SLC36A3: variants seen among roughly 807,000 people sequenced by gnomAD.
SLC36A3 encodes solute carrier family 36 member 3, also known as proton-coupled amino acid transporter 3.
SLC36A3 carries 35 observed loss-of-function variants against 44.3 expected under a neutral mutation model. The observed-to-expected ratio is 0.79, with a 90% CI of 0.60 to 1.05. SLC36A3 has a LOEUF of 1.05. Ranked by LOEUF, SLC36A3 falls within the 50% of genes least tolerant of loss-of-function variation. SLC36A3 has a pLI of 0.00. For missense variants in SLC36A3, 540 were observed against 578.7 expected, an observed-to-expected ratio of 0.93 and a Z score of 0.69; for synonymous variants, 211 against 227.6, an observed-to-expected ratio of 0.93 and a Z score of 0.66.
At position 151,278,691 on chromosome 5, in the gene SLC36A3, C is replaced by T. The variant is rs574650935; in HGVS notation, c.1145-1030G>A. 3.9e-5 allele frequency among the ~76,000 whole-genome samples: 6 copies of T among 152,270 alleles called. No individual in the cohort carries two copies. In the East Asian group the frequency reaches 1.2e-3, roughly 29 times the overall value. ...AAAAAATCACCTCTTTCTGAAATTG[C>T]TCTGACACATCCAGTCCAAGCATAA... On this transcript the variant is annotated intron_variant, in intron 9 of 9. Coordinates refer to ENST00000335230, the MANE Select transcript of SLC36A3 (RefSeq NM_181774.4).
rs140051735 is a variant in SLC36A3, at chr5:151,282,108, T to C, written c.975-925A>G. Among the ~76,000 whole-genome samples the C allele has an allele frequency of 4.4e-3, 578 of 132,820 alleles. 8 individuals carry two copies. The highest frequency in any genetic ancestry group is 0.017 in the African/African-American group (548 of 32,216). The allele number at this position is 132,820 out of a possible 152,430, so 87.1% of individuals were successfully genotyped here. A position where few individuals can be genotyped will look rare whatever the true frequency, so the allele number is the denominator to read the frequency against. Reference sequence around the variant, plus strand: ...TTACCCAATATTTCTTTTCTTTTTCTTTGTTTTTTTTTTTTTTTTTTTTTT... The same window carrying C: ...TTACCCAATATTTCTTTTCTTTTTCCTTGTTTTTTTTTTTTTTTTTTTTTT... On this transcript the variant is annotated intron_variant, in intron 8 of 9. Coordinates refer to ENST00000335230, the MANE Select transcript of SLC36A3 (RefSeq NM_181774.4).
At chr5:151,290,590 T>C (rs1754720391) in intron 4 of SLC36A3, among the ~76,000 whole-genome samples, 1 of 152,172 alleles carries the variant, frequency 6.6e-6, no homozygotes, top group Non-Finnish European at 1.5e-5. Flanking sequence ...CCCAAGTTAT[T>C]TCACCTGTAA....
chr5:151,283,209 C>T (rs994332689), intron 8 of SLC36A3, among the ~76,000 whole-genome samples: 1 of 152,326 alleles, frequency 6.6e-6, no homozygotes, highest in Admixed American at 6.5e-5. Context: ...CTGAGCATCT[C>T]TTTATCTGGC....
chr5:151,289,628 T>G (rs1044908840), intron 4 of SLC36A3, among the ~76,000 whole-genome samples: 1 of 152,254 alleles, frequency 6.6e-6, no homozygotes, highest in African/African-American at 2.4e-5. Context: ...AGACAGAGTC[T>G]CAGTGTGTTT....
intron 8 of SLC36A3, among the ~76,000 whole-genome samples, chr5:151,282,012 G>C (rs1385968414): frequency 6.6e-6 from 1 of 151,210 alleles, no homozygotes; most frequent in African/African-American, 2.4e-5. Flanking sequence ...CAGAATGTAG[G>C]AACATACATG....
At chr5:151,282,049 C>T (rs949698571) in intron 8 of SLC36A3, among the ~76,000 whole-genome samples, 1 of 150,650 alleles carries the variant, frequency 6.6e-6, no homozygotes, top group African/African-American at 2.4e-5. Flanking sequence ...CATGCATACA[C>T]ATATGCACAT....
chr5:151,297,897 G>A (rs1242140397), intron 2 of SLC36A3: 1 of 152,332 alleles, frequency 6.6e-6, no homozygotes, highest in Non-Finnish European at 1.5e-5. Flanking sequence ...GGAGGCGGAG[G>A]TTGCAGTGAG....
At position 151,293,388 on chromosome 5, in the gene SLC36A3, A is replaced by G; in HGVS notation, c.380T>C (p.Leu127Pro). ...CCTTCCCCACACTGCATGGGCCCTC[A>G]GCCAGGTGTTCGGGCAGGTTTCAAG... ...YGLETCPNTW[L>P]RAHAVWGRYT... Residue 127 changes from leucine to proline, a missense_variant, in exon 4 of 10, where the codon CTG becomes CCG. By Grantham distance (98) the Leu-to-Pro change is moderately conservative. Coordinates refer to ENST00000335230, the MANE Select transcript of SLC36A3 (RefSeq NM_181774.4). 1.2e-6 allele frequency: 2 copies of G among 1,613,788 alleles called. No homozygotes were observed. The highest frequency in any genetic ancestry group is 1.7e-6 in the Non-Finnish European group (2 of 1,179,780).
intron 8 of SLC36A3, among the ~76,000 whole-genome samples, chr5:151,282,953 C>T (rs918934879): frequency 7.9e-5 from 12 of 151,092 alleles, no homozygotes; most frequent in Admixed American, 6.6e-4. Flanking sequence ...GGCGTGATCT[C>T]GGCTCACTGC....
intron 1 of SLC36A3, 110 bp downstream of exon 1, chr5:151,303,117 G>A (rs972500027): frequency 8.4e-6 from 11 of 1,310,780 alleles, no homozygotes; most frequent in African/African-American, 7.4e-5. Context: ...CACGCATATC[G>A]TGTTAATGGA....
rs149309066 is a variant in SLC36A3 at position 151,282,720 on chromosome 5, A to G, written c.974+1324T>C. Among the ~76,000 whole-genome samples, 255 of 152,336 alleles carry G rather than the reference A, an allele frequency of 1.7e-3. 1 individual carries two copies. Among genetic ancestry groups the G allele is most frequent in the African/African-American group, 5.9e-3 (246 of 41,572 alleles). On this transcript the variant is annotated intron_variant, in intron 8 of 9. Coordinates refer to ENST00000335230, the MANE Select transcript of SLC36A3 (RefSeq NM_181774.4). ...GTTAAAATGCTGGGTAAAAGTCTAC[A>G]TGATTTAAAATTTTAATAGCTGTTG...
intron 4 of SLC36A3, among the ~76,000 whole-genome samples, chr5:151,290,044 G>C (rs1482984812): frequency 6.7e-6 from 1 of 149,802 alleles, no homozygotes; most frequent in African/African-American, 2.5e-5. Context: ...TTTTAAGAGA[G>C]ATATATTGTT....
intron 6 of SLC36A3, among the ~76,000 whole-genome samples, chr5:151,285,908 A>T (rs1353201061): frequency 6.6e-6 from 1 of 152,204 alleles, no homozygotes; most frequent in Non-Finnish European, 1.5e-5. Context: ...TCCAGAAAGG[A>T]ATGCTGCTCT....
At chr5:151,281,236 A>G in intron 8 of SLC36A3, 53 bp from the exon 9 acceptor site, 2 of 1,543,500 alleles carry the variant, frequency 1.3e-6, no homozygotes, top group Non-Finnish European at 1.8e-6. Flanking sequence ...CGGAAGGGCC[A>G]TTGAGGACTC....
chr5:151,300,850 G>A (rs892965585), intron 1 of SLC36A3, among the ~76,000 whole-genome samples: 27 of 152,174 alleles, frequency 1.8e-4, no homozygotes, highest in Non-Finnish European at 3.7e-4. Flanking sequence ...ATCTTTATTT[G>A]CTCTAAATGC....
At position 151,290,541 on chromosome 5, in the gene SLC36A3, A is replaced by T. The variant is rs185001717; in HGVS notation, c.405-2071T>A. On this transcript the variant is annotated intron_variant, in intron 4 of 9. Coordinates refer to ENST00000335230, the MANE Select transcript of SLC36A3 (RefSeq NM_181774.4). ...CTATCTCTTCAGCCCCATCACACAC[A>T]TACTGAATTTGTCGGTGTATTTGTA... Among the ~76,000 whole-genome samples the T allele has an allele frequency of 3.0e-4, 45 of 152,334 alleles. 1 individual carries two copies. In the East Asian group the frequency reaches 8.3e-3, roughly 28 times the overall value.
At chr5:151,296,379 G>A (rs951507445) in intron 2 of SLC36A3, 111 bp from the exon 3 acceptor site, 22 of 865,250 alleles carry the variant, frequency 2.5e-5, no homozygotes, top group Middle Eastern at 3.1e-4. Context: ...CTGTCTTTGG[G>A]GTGACAGACC....
chr5:151,293,406 G>C lies in SLC36A3; in HGVS notation c.362C>G (p.Thr121Ser). ...GGCCCTCAGCCAGGTGTTCGGGCAGGTTTCAAGGCCGTACATCGTGGCCTC... is the reference window on the plus strand; with the variant it reads ...GGCCCTCAGCCAGGTGTTCGGGCAGCTTTCAAGGCCGTACATCGTGGCCTC... ...YGEATMYGLETCPNTWLRAHA... is the reference protein window; with the variant it reads ...YGEATMYGLESCPNTWLRAHA... The change falls in exon 4 of 10, where the codon ACC (threonine) becomes AGC (serine). Residue 121 changes from threonine (T) to serine (S), a missense_variant. By Grantham distance (58) the Thr-to-Ser change is moderately conservative (BLOSUM62 1). Transcript: ENST00000335230. The C allele has an allele frequency of 1.2e-6, 2 of 1,613,900 alleles. No individual in the cohort carries two copies. The highest frequency in any genetic ancestry group is 8.5e-7 in the Non-Finnish European group (1 of 1,179,880).
At position 151,284,506 on chromosome 5, in the gene SLC36A3, CAG is replaced by C. The variant is rs1754455297; in HGVS notation, c.807+105_807+106del. Reference sequence around the variant, plus strand: ...GACTTTCCCTTCACCAGGAGAAGATCAGAGTCTGCACCTTTTCATAAATACTA... The same window carrying C: ...GACTTTCCCTTCACCAGGAGAAGATCAGTCTGCACCTTTTCATAAATACTA... On this transcript the variant is annotated intron_variant, in intron 7 of 9. Coordinates refer to ENST00000335230, the MANE Select transcript of SLC36A3 (RefSeq NM_181774.4). 6.8e-6 allele frequency: 6 copies of C among 877,786 alleles called. No homozygotes were observed. In the Admixed American group the frequency reaches 1.1e-4, roughly 16 times the overall value. 54.4% of individuals were successfully genotyped at this position (877,786 alleles called of 1,614,324 possible). A position where few individuals can be genotyped will look rare whatever the true frequency, so the allele number is the denominator to read the frequency against.
Sources: allele counts gnomAD v4.1 joint callset (sites outside exome capture counted in the v4.1 genomes callset), GRCh38; gene constraint gnomAD v4.1.1; transcripts MANE v1.5; gene names NCBI Gene and HGNC (gene_info 2026-07-23, HGNC 2026-07-21).